AKAP12: variants seen among roughly 807,000 people sequenced by gnomAD.
The protein encoded by AKAP12 is A-kinase anchor protein 12.
A neutral mutation model predicts 79.9 loss-of-function variants in AKAP12; 32 were observed. That is an observed-to-expected ratio of 0.40 (90% CI 0.30 to 0.54). The LOEUF (loss-of-function observed/expected upper bound fraction) is 0.54, where lower values mean the gene tolerates loss of function less well. Ranked by LOEUF, AKAP12 falls within the 20% of genes least tolerant of loss-of-function variation. AKAP12 has a pLI of 0.48. For synonymous variants in AKAP12, 808 were observed against 857.0 expected (o/e 0.94, Z 1.00); for missense variants, 2,074 against 2,177.0 (o/e 0.95, Z 0.94).
At chr6:151,321,874 G>GT (rs1777396640) in intron 3 of AKAP12, among the ~76,000 whole-genome samples, 1 of 112,184 alleles carries the variant, frequency 8.9e-6, no homozygotes, top group South Asian at 3.0e-4. Context: ...ACCTGCCCCT[G>GT]TTTTTTAAAC....
At chr6:151,283,649 G>A (rs1195804262) in intron 2 of AKAP12, among the ~76,000 whole-genome samples, 1 of 152,202 alleles carries the variant, frequency 6.6e-6, no homozygotes, top group Non-Finnish European at 1.5e-5. Context: ...AACCTTACAG[G>A]TAGGGCCTCT....
rs375071417 is a variant in AKAP12 at position 151,352,769 on chromosome 6, A to G, written c.4378A>G (p.Lys1460Glu). ...HLVLEEKSSE[K>E]NEDFAAHPGE... ...AGTTCTGGAAGAGAAATCCTCTGAAAAAAATGAAGACTTTGCCGCTCATCC... is the reference window on the plus strand; with the variant it reads ...AGTTCTGGAAGAGAAATCCTCTGAAGAAAATGAAGACTTTGCCGCTCATCC... The change falls in exon 4 of 5, where the codon AAA becomes GAA. Residue 1460 changes from lysine to glutamate, a missense_variant. This residue lies in a region of AKAP12 where 614 missense variants were observed against 665.6 expected (regional missense o/e 0.92). Transcript: ENST00000402676. 2 of 1,614,210 alleles carry G rather than the reference A, an allele frequency of 1.2e-6. No individual in the cohort carries two copies. Among genetic ancestry groups the G allele is most frequent in the Non-Finnish European group, 1.7e-6 (2 of 1,180,046 alleles).
intron 3 of AKAP12, among the ~76,000 whole-genome samples, chr6:151,306,798 C>T (rs1776987461): frequency 6.6e-6 from 1 of 152,222 alleles, no homozygotes; most frequent in Non-Finnish European, 1.5e-5. Context: ...TATAGCACCA[C>T]AGGCACAATA....
chr6:151,301,761 A>G (rs1264272866), intron 2 of AKAP12, among the ~76,000 whole-genome samples: 2 of 152,154 alleles, frequency 1.3e-5, no homozygotes, highest in African/African-American at 2.4e-5. Flanking sequence ...AGCTATTCAC[A>G]TAGTAAAATA....
intron 2 of AKAP12, among the ~76,000 whole-genome samples, chr6:151,287,113 A>C (rs1776521368): frequency 1.3e-5 from 2 of 150,500 alleles, no homozygotes; most frequent in Admixed American, 1.3e-4. Context: ...CTAATTTTTT[A>C]TATTTTTAGT....
intron 2 of AKAP12, among the ~76,000 whole-genome samples, chr6:151,286,487 G>A (rs780246430): frequency 2.8e-4 from 42 of 152,220 alleles, no homozygotes; most frequent in Admixed American, 2.1e-3. Context: ...ATGGGGCGTC[G>A]GCTTGCATTC....
At chr6:151,270,337 C>T (rs1044077225) in intron 2 of AKAP12, among the ~76,000 whole-genome samples, 2 of 152,198 alleles carry the variant, frequency 1.3e-5, no homozygotes, top group African/African-American at 2.4e-5. Context: ...GGATTACAGG[C>T]GTGAGCCTCT....
intron 2 of AKAP12, among the ~76,000 whole-genome samples, chr6:151,247,262 G>C (rs1797093736): frequency 6.6e-6 from 1 of 152,038 alleles, no homozygotes; most frequent in Non-Finnish European, 1.5e-5. Context: ...TTAGCTGGGT[G>C]CGGTGACGTG....
intron 2 of AKAP12, among the ~76,000 whole-genome samples, chr6:151,279,875 A>C (rs1463523132): frequency 6.6e-6 from 1 of 152,144 alleles, no homozygotes; most frequent in Non-Finnish European, 1.5e-5. Context: ...TAAGCAAGTG[A>C]AATCAAACTT....
chr6:151,246,155 A>C lies in AKAP12; in HGVS notation c.162+5431A>C, dbSNP rs1797071822. Among the ~76,000 whole-genome samples the C allele has an allele frequency of 3.3e-5, 5 of 152,378 alleles. No homozygotes were observed. The South Asian group carries it at 1.0e-3, about 32-fold the overall frequency. On this transcript the variant is annotated intron_variant, in intron 2 of 4. Coordinates refer to ENST00000402676, the MANE Select transcript of AKAP12 (RefSeq NM_005100.4). ...TTAACCCGGCAAGGTGCGGTGGCTC[A>C]CGCCTGTAATCCCAGCACTTTGGGA...
chr6:151,266,936 G>T (rs1776045141), intron 2 of AKAP12, among the ~76,000 whole-genome samples: 1 of 144,348 alleles, frequency 6.9e-6, no homozygotes, highest in African/African-American at 2.5e-5. Context: ...AGAATGGCGT[G>T]AACCCGGGAG....
In AKAP12 at chr6:151,256,640, T is replaced by C. The variant is rs181167599; in HGVS notation, c.162+15916T>C. Reference sequence around the variant, plus strand: ...TGTGTATATACACATGTATAAATTTTATTTTATTTTATTTTTTATTTCTTT... The same window carrying C: ...TGTGTATATACACATGTATAAATTTCATTTTATTTTATTTTTTATTTCTTT... On this transcript the variant is annotated intron_variant, in intron 2 of 4. Transcript: ENST00000402676. Among the ~76,000 whole-genome samples the C allele has an allele frequency of 7.6e-3, 1,153 of 152,050 alleles. 56 individuals carry two copies. The highest frequency in any genetic ancestry group is 0.069 in the Admixed American group (1,051 of 15,246).
At chr6:151,247,311 G>A (rs112113094) in intron 2 of AKAP12, among the ~76,000 whole-genome samples, 5,063 of 152,138 alleles carry the variant, frequency 0.033, 291 homozygotes, top group African/African-American at 0.12. Flanking sequence ...TGAGGTGAGA[G>A]GATTGCTTCC....
At chr6:151,341,854 G>A (rs936023111) in intron 3 of AKAP12, 22 of 1,221,756 alleles carry the variant, frequency 1.8e-5, no homozygotes, top group Non-Finnish European at 2.2e-5. Context: ...TACTGGCCAA[G>A]GCGCGCAGGG....
intron 3 of AKAP12, among the ~76,000 whole-genome samples, chr6:151,339,912 G>A (rs2114806572): frequency 6.6e-6 from 1 of 151,844 alleles, no homozygotes; most frequent in African/African-American, 2.4e-5. Context: ...TTCATGGCCT[G>A]ATAACTAATT....
At chr6:151,348,681 C>CAA in intron 3 of AKAP12, 30 bp from the exon 4 acceptor site, 5 of 218,342 alleles carry the variant, frequency 2.3e-5, no homozygotes, top group East Asian at 1.2e-4. Context: ...TTTCTCTTCT[C>CAA]CCCACCCCCC....
At chr6:151,310,805 T>C (rs1777082253) in intron 3 of AKAP12, among the ~76,000 whole-genome samples, 1 of 152,240 alleles carries the variant, frequency 6.6e-6, no homozygotes, top group South Asian at 2.1e-4. Context: ...CCATTTGAAT[T>C]AATCACTTAC....
chr6:151,345,965 A>G (rs12154003), intron 3 of AKAP12, among the ~76,000 whole-genome samples: 62,509 of 124,104 alleles, frequency 0.5, 16,547 homozygotes, highest in Non-Finnish European at 0.64. Flanking sequence ...GAGAGAGAGA[A>G]AGGAGAGACA....
Position 151,276,592 on chromosome 6 carries a change from C to G in AKAP12, c.163-29155C>G, listed in dbSNP as rs540963338. ...CTCCAGTGCTGACCAGCCTTGCAGT[C>G]ACTGCAGAGCAATCTCCCAGTGGAC... On this transcript the variant is annotated intron_variant, in intron 2 of 4. Coordinates refer to ENST00000402676, the MANE Select transcript of AKAP12 (RefSeq NM_005100.4). Among the ~76,000 whole-genome samples, 6 of 152,370 alleles carry G rather than the reference C, an allele frequency of 3.9e-5. No homozygotes were observed. In the South Asian group the frequency reaches 1.2e-3, roughly 32 times the overall value.
Sources: gnomAD v4.1 joint callset for allele counts (sites outside exome capture counted in the v4.1 genomes callset) on GRCh38, gnomAD v4.1.1 for gene constraint, gnomAD v4.1.1 regional missense constraint, MANE v1.5 for transcripts, NCBI Gene and HGNC (gene_info 2026-07-23, HGNC 2026-07-21) for gene names.